The following PCDH15 variants were observed in gnomAD, a reference collection of about 807,000 sequenced individuals.
PCDH15 encodes protocadherin-15.
In PCDH15, 129 loss-of-function variants were observed where a neutral mutation model predicts 178.5. The observed-to-expected ratio is 0.72, with a 90% confidence interval of 0.63 to 0.84. The LOEUF is 0.84. Ranked by LOEUF, PCDH15 falls within the 40% of genes least tolerant of loss-of-function variation. PCDH15 has a pLI of 0.00. For synonymous variants in PCDH15, 800 were observed against 732.0 expected (o/e 1.09, Z -1.50); for missense variants, 2,230 against 2,099.9 (o/e 1.06, Z -1.21).
In PCDH15 at chr10:53,840,405, G is replaced by C; in HGVS notation, c.3898C>G (p.Leu1300Val). 1.2e-6 allele frequency: 2 copies of C among 1,614,068 alleles called. No homozygotes were observed. Among genetic ancestry groups the C allele is most frequent in the Non-Finnish European group, 8.5e-7 (1 of 1,179,952 alleles). ...GARRHGDAFSLEDYTKCDLTV... is the reference protein window; with the variant it reads ...GARRHGDAFSVEDYTKCDLTV... ...AAGTCACATTTGGTGTAATCTTCTA[G>C]GGAAAAGGCATCTCCATGCCGGCGA... The change falls in exon 29 of 38, where the codon CTA becomes GTA. Residue 1300 changes from leucine (L) to valine (V), a missense_variant. By Grantham distance (32) the Leu-to-Val change is conservative. Coordinates refer to ENST00000644397, the MANE Select transcript of PCDH15 (RefSeq NM_001384140.1).
intron 2 of PCDH15, among the ~76,000 whole-genome samples, chr10:55,473,001 T>C (rs1055485573): frequency 1.3e-5 from 2 of 152,198 alleles, no homozygotes; most frequent in African/African-American, 4.8e-5. Flanking sequence ...CTGCTAATAA[T>C]TTTGCAAAAA....
intron 2 of PCDH15, among the ~76,000 whole-genome samples, chr10:55,386,396 G>A (rs1837660316): frequency 6.6e-6 from 1 of 151,258 alleles, no homozygotes; most frequent in Non-Finnish European, 1.5e-5. Flanking sequence ...ATTTTAAAAT[G>A]TGATACTGGT....
intron 2 of PCDH15, among the ~76,000 whole-genome samples, chr10:55,048,773 T>C (rs1841079243): frequency 1.3e-5 from 2 of 151,978 alleles, no homozygotes; most frequent in Non-Finnish European, 2.9e-5. Context: ...TTATTTTACC[T>C]TTCAGCATTT....
chr10:55,305,462 G>A (rs1564989250), intron 1 of PCDH15, among the ~76,000 whole-genome samples: 1 of 152,222 alleles, frequency 6.6e-6, no homozygotes, highest in Admixed American at 6.5e-5. Flanking sequence ...CAAAGTGAAA[G>A]CCTGTAGCCA....
chr10:54,467,786 C>T (rs2136615911), intron 3 of PCDH15, among the ~76,000 whole-genome samples: 1 of 151,748 alleles, frequency 6.6e-6, no homozygotes, highest in South Asian at 2.1e-4. Flanking sequence ...GTCAGTGAAG[C>T]AATCCAGTCT....
At chr10:55,511,355 A>T (rs1840882288) in intron 2 of PCDH15, among the ~76,000 whole-genome samples, 1 of 152,048 alleles carries the variant, frequency 6.6e-6, no homozygotes, top group East Asian at 1.9e-4. Context: ...GTAATGTAAG[A>T]CATACAGAAA....
chr10:54,925,835 A>C (rs1837608739), intron 2 of PCDH15, among the ~76,000 whole-genome samples: 1 of 151,912 alleles, frequency 6.6e-6, no homozygotes, highest in Non-Finnish European at 1.5e-5. Flanking sequence ...AGCTTAAGAA[A>C]CTTTTGAGCT....
intron 9 of PCDH15, among the ~76,000 whole-genome samples, chr10:54,228,043 C>A (rs899862491): frequency 6.6e-6 from 1 of 152,144 alleles, no homozygotes; most frequent in African/African-American, 2.4e-5. Flanking sequence ...CTACAGAGCC[C>A]TGCAAACTGT....
At chr10:55,446,750 A>G (rs1017371266) in intron 2 of PCDH15, among the ~76,000 whole-genome samples, 4 of 152,106 alleles carry the variant, frequency 2.6e-5, no homozygotes, top group African/African-American at 7.2e-5. Context: ...TACATCTGCC[A>G]TTGCCATGTG....
At chr10:54,025,930 G>A (rs2135360681) in intron 18 of PCDH15, among the ~76,000 whole-genome samples, 1 of 152,216 alleles carries the variant, frequency 6.6e-6, no homozygotes, top group Non-Finnish European at 1.5e-5. Context: ...GGGCATGTAA[G>A]ATTACATTAT....
At chr10:54,026,614 A>G (rs2093103378) in intron 18 of PCDH15, among the ~76,000 whole-genome samples, 1 of 152,178 alleles carries the variant, frequency 6.6e-6, no homozygotes, top group Non-Finnish European at 1.5e-5. Flanking sequence ...AGACTACAAT[A>G]TCTTTGGCTC....
At chr10:54,536,073 G>A (rs1460250141) in intron 2 of PCDH15, among the ~76,000 whole-genome samples, 1 of 152,066 alleles carries the variant, frequency 6.6e-6, no homozygotes, top group East Asian at 1.9e-4. Context: ...AACAATTCTT[G>A]GTCCAAGGTG....
At chr10:54,183,356 T>C in intron 13 of PCDH15, 88 bp downstream of exon 13, 1 of 1,273,302 alleles carries the variant, frequency 7.9e-7, no homozygotes, top group Non-Finnish European at 1.1e-6. Flanking sequence ...CAATTTCTGT[T>C]TCTTAAGTAA....
At chr10:55,098,746 C>A (rs141533860) in intron 2 of PCDH15, among the ~76,000 whole-genome samples, 1,560 of 152,128 alleles carry the variant, frequency 0.01, 23 homozygotes, top group African/African-American at 0.036. Context: ...ACACCGCCTC[C>A]TCAAGTCTGG....
At chr10:55,470,576 C>G (rs572378193) in intron 2 of PCDH15, among the ~76,000 whole-genome samples, 1 of 152,170 alleles carries the variant, frequency 6.6e-6, no homozygotes, top group African/African-American at 2.4e-5. Context: ...ATGCAGAAGG[C>G]TTTTATGCAT....
At chr10:54,070,150 A>G (rs936330023) in intron 17 of PCDH15, among the ~76,000 whole-genome samples, 1 of 152,154 alleles carries the variant, frequency 6.6e-6, no homozygotes, top group Non-Finnish European at 1.5e-5. Context: ...AATATCATAG[A>G]AGAATTTTCA....
intron 2 of PCDH15, among the ~76,000 whole-genome samples, chr10:55,118,760 A>G (rs1837689101): frequency 6.6e-6 from 1 of 152,230 alleles, no homozygotes; most frequent in South Asian, 2.1e-4. Context: ...CCTAAGTAGC[A>G]AAGTCTGAAA....
At chr10:55,320,748 T>C (rs1429200491), upstream of PCDH15, among the ~76,000 whole-genome samples, 2 of 152,050 alleles carry the variant, frequency 1.3e-5, no homozygotes, top group Admixed American at 1.3e-4. Context: ...CCCCCAAGGA[T>C]ATCAAAGATA....
intron 3 of PCDH15, among the ~76,000 whole-genome samples, chr10:54,858,903 A>T (rs1953787899): frequency 6.6e-6 from 1 of 152,106 alleles, no homozygotes; most frequent in Non-Finnish European, 1.5e-5. Flanking sequence ...ACACTGAATA[A>T]GAAAAGAAAA....
Sources: allele counts gnomAD v4.1 joint callset (sites outside exome capture counted in the v4.1 genomes callset), GRCh38; gene constraint gnomAD v4.1.1; transcripts MANE v1.5; gene names NCBI Gene and HGNC (gene_info 2026-07-23, HGNC 2026-07-21).